The following MAGI2 variants were observed in gnomAD, a reference collection of about 807,000 sequenced individuals.
MAGI2 encodes membrane-associated guanylate kinase, WW and PDZ domain-containing protein 2.
A neutral mutation model predicts 133.3 loss-of-function variants in MAGI2; 35 were observed. That is an observed-to-expected ratio of 0.26 (90% CI 0.20 to 0.35). MAGI2 has a LOEUF of 0.35. Ranked by LOEUF, MAGI2 falls within the 10% of genes least tolerant of loss-of-function variation. The pLI is 1.00. For synonymous variants in MAGI2, 729 were observed against 710.6 expected (o/e 1.03, Z -0.41); for missense variants, 1,636 against 1,863.4 (o/e 0.88, Z 2.25).
intron 1 of MAGI2, among the ~76,000 whole-genome samples, chr7:79,018,766 G>A (rs1051012965): frequency 6.6e-6 from 1 of 152,042 alleles, no homozygotes; most frequent in Non-Finnish European, 1.5e-5. Flanking sequence ...AGACAAAACA[G>A]ACTTTAATAA....
In MAGI2 at chr7:79,292,770, C is replaced by CAAAAAAAAAAAAAAAAAAAAAA. The variant is rs199933554; in HGVS notation, c.301+160228_301+160249dup. Among the ~76,000 whole-genome samples, 2 of 57,396 alleles carry CAAAAAAAAAAAAAAAAAAAAAA rather than the reference C, an allele frequency of 3.5e-5. 1 individual carries two copies. Among genetic ancestry groups the CAAAAAAAAAAAAAAAAAAAAAA allele is most frequent in the Non-Finnish European group, 6.4e-5 (2 of 31,354 alleles). 37.7% of individuals were successfully genotyped at this position (57,396 alleles called of 152,430 possible). On this transcript the variant is annotated intron_variant, in intron 1 of 21. Coordinates refer to ENST00000354212, the MANE Select transcript of MAGI2 (RefSeq NM_012301.4). ...TTTTGGACCACTTTGTCAATTTCTGCAAAAAAAAAAAAAAAAAAAAAAAAA... is the reference window on the plus strand; with the variant it reads ...TTTTGGACCACTTTGTCAATTTCTGCAAAAAAAAAAAAAAAAAAAAAAAAAAAAAAAAAAAAAAAAAAAAAAA...
intron 1 of MAGI2, among the ~76,000 whole-genome samples, chr7:79,354,775 A>T (rs848937): frequency 0.5 from 76,150 of 151,994 alleles, 20,501 homozygotes; most frequent in African/African-American, 0.7. Context: ...TTTGTTTTTG[A>T]ATGATCTACA....
At chr7:78,668,162 C>T (rs1211678137) in intron 2 of MAGI2, among the ~76,000 whole-genome samples, 3 of 152,090 alleles carry the variant, frequency 2.0e-5, no homozygotes, top group Non-Finnish European at 4.4e-5. Flanking sequence ...AGCATTTTTT[C>T]ACGTGTTTTT....
At chr7:79,343,912 G>A (rs1231994769) in intron 1 of MAGI2, among the ~76,000 whole-genome samples, 1 of 152,118 alleles carries the variant, frequency 6.6e-6, no homozygotes, top group Non-Finnish European at 1.5e-5. Flanking sequence ...ATACAAGCTT[G>A]TCATGCCCGA....
intron 3 of MAGI2, among the ~76,000 whole-genome samples, chr7:78,579,399 G>A (rs1452567297): frequency 6.6e-6 from 1 of 152,176 alleles, no homozygotes; most frequent in African/African-American, 2.4e-5. Context: ...CAAACAAGAA[G>A]CAGCAGAGGC....
intron 3 of MAGI2, among the ~76,000 whole-genome samples, chr7:78,546,790 G>A (rs1798884450): frequency 1.3e-5 from 2 of 152,180 alleles, no homozygotes; most frequent in African/African-American, 2.4e-5. Context: ...TAGTAGCTAT[G>A]TAAGTTGAAG....
chr7:78,802,957 G>A (rs910521391), intron 2 of MAGI2, among the ~76,000 whole-genome samples: 2 of 148,184 alleles, frequency 1.3e-5, no homozygotes, highest in Non-Finnish European at 3.0e-5. Context: ...TCTGACAGCT[G>A]TGATACTAGA....
At chr7:79,389,835 G>A (rs930419811) in intron 1 of MAGI2, among the ~76,000 whole-genome samples, 3 of 152,030 alleles carry the variant, frequency 2.0e-5, no homozygotes, top group Non-Finnish European at 4.4e-5. Context: ...TGGGTTTCCT[G>A]AGTCTAGAGC....
intron 1 of MAGI2, among the ~76,000 whole-genome samples, chr7:79,157,788 G>A (rs1823930582): frequency 6.7e-6 from 1 of 149,416 alleles, no homozygotes; most frequent in South Asian, 2.1e-4. Context: ...TTTCTTTTCT[G>A]ACTGCTTCAA....
chr7:78,240,195 C>T (rs1563311418), intron 10 of MAGI2, among the ~76,000 whole-genome samples: 1 of 151,980 alleles, frequency 6.6e-6, no homozygotes, highest in Non-Finnish European at 1.5e-5. Context: ...CAAGTGATCT[C>T]CTTGTTCAGT....
intron 1 of MAGI2, among the ~76,000 whole-genome samples, chr7:79,165,845 C>G (rs1824855306): frequency 6.6e-6 from 1 of 151,898 alleles, no homozygotes; most frequent in African/African-American, 2.4e-5. Flanking sequence ...TTATAATCTC[C>G]CAAAATAAGC....
At chr7:78,929,860 C>T (rs1584424102) in intron 2 of MAGI2, among the ~76,000 whole-genome samples, 1 of 152,016 alleles carries the variant, frequency 6.6e-6, no homozygotes, top group East Asian at 1.9e-4. Context: ...ACCAGAAAGG[C>T]TAAGAAGCAA....
chr7:78,138,677 A>ACACACACACACACACACAC (rs1584101215), intron 16 of MAGI2, among the ~76,000 whole-genome samples: 1 of 145,894 alleles, frequency 6.9e-6, no homozygotes, highest in South Asian at 2.2e-4. Flanking sequence ...ACACACACAC[A>ACACACACACACACACACAC]ATTTGTATGC....
At chr7:78,102,096 G>T (rs998508894) in intron 20 of MAGI2, among the ~76,000 whole-genome samples, 1 of 152,156 alleles carries the variant, frequency 6.6e-6, no homozygotes, top group Non-Finnish European at 1.5e-5. Flanking sequence ...AGTGAAATAA[G>T]CCAGACACAG....
chr7:78,575,966 C>T (rs952203372), intron 3 of MAGI2, among the ~76,000 whole-genome samples: 1 of 151,858 alleles, frequency 6.6e-6, no homozygotes, highest in Non-Finnish European at 1.5e-5. Context: ...ACAAACATAC[C>T]ACACTAATGC....
chr7:79,112,419 T>C (rs915676456), intron 1 of MAGI2, among the ~76,000 whole-genome samples: 1 of 152,212 alleles, frequency 6.6e-6, no homozygotes, highest in African/African-American at 2.4e-5. Context: ...ATAGTTTTAA[T>C]TAGATACACC....
In MAGI2 at chr7:78,069,249, C is replaced by T. The variant is rs10248507; in HGVS notation, c.3706+9698G>A. Among the ~76,000 whole-genome samples, 1,136 of 152,190 alleles carry T rather than the reference C, an allele frequency of 7.5e-3. 9 individuals carry two copies. The highest frequency in any genetic ancestry group is 0.024 in the African/African-American group (993 of 41,532). ...GAAAGAGGACAACAAGTAGAAACTT[C>T]GGCAGGCCTGGCCTTTACAATAGAG... is the stretch of plus-strand genomic sequence containing the variant. On this transcript the variant is annotated intron_variant, in intron 21 of 21. Transcript: ENST00000354212.
chr7:78,229,197 G>A (rs1789707451), intron 10 of MAGI2, among the ~76,000 whole-genome samples: 1 of 152,274 alleles, frequency 6.6e-6, no homozygotes, highest in Non-Finnish European at 1.5e-5. Flanking sequence ...CACCAGCCAA[G>A]ATTTATTGAG....
intron 2 of MAGI2, among the ~76,000 whole-genome samples, chr7:78,873,245 T>C (rs1000085204): frequency 6.6e-6 from 1 of 152,272 alleles, no homozygotes; most frequent in South Asian, 2.1e-4. Flanking sequence ...TGAAATACTA[T>C]ACAACAGGGG....
Sources: gnomAD v4.1 joint callset for allele counts (sites outside exome capture counted in the v4.1 genomes callset) on GRCh38, gnomAD v4.1.1 for gene constraint, MANE v1.5 for transcripts, NCBI Gene and HGNC (gene_info 2026-07-23, HGNC 2026-07-21) for gene names.